The following ITGA8 variants were observed in gnomAD, a reference collection of about 807,000 sequenced individuals.
The protein encoded by ITGA8 is integrin subunit alpha 8, also known as integrin alpha-8.
ITGA8 carries 91 observed loss-of-function variants against 142.3 expected under a neutral mutation model. The observed-to-expected ratio is 0.64, with a 90% CI of 0.54 to 0.76. The LOEUF (loss-of-function observed/expected upper bound fraction) is 0.76. Among genes scored for constraint, ITGA8 ranks in the 30% least tolerant of loss-of-function variants. ITGA8 has a pLI of 0.00. For missense variants in ITGA8, 1,406 were observed against 1,327.7 expected, an observed-to-expected ratio of 1.06 and a Z score of -0.92; for synonymous variants, 505 against 485.2, an observed-to-expected ratio of 1.04 and a Z score of -0.54.
intron 10 of ITGA8, among the ~76,000 whole-genome samples, chr10:15,656,873 G>A (rs1834195265): frequency 1.3e-5 from 2 of 152,136 alleles, no homozygotes; most frequent in South Asian, 4.1e-4. Context: ...CACGCCCCAG[G>A]AGGCAGAGAC....
chr10:15,694,257 T>TATC (rs201724643), intron 2 of ITGA8, among the ~76,000 whole-genome samples: 1,284 of 95,330 alleles, frequency 0.013, 31 homozygotes, highest in African/African-American at 0.036. Flanking sequence ...TATGATAACA[T>TATC]ATACATCAGA....
chr10:15,708,824 C>T (rs1835309292), intron 2 of ITGA8, among the ~76,000 whole-genome samples: 1 of 152,062 alleles, frequency 6.6e-6, no homozygotes, highest in Admixed American at 6.6e-5. Context: ...TTAGACACAC[C>T]CCTTTTCCAA....
At chr10:15,624,421 C>G (rs1833545519) in intron 13 of ITGA8, among the ~76,000 whole-genome samples, 1 of 152,190 alleles carries the variant, frequency 6.6e-6, no homozygotes, top group South Asian at 2.1e-4. Flanking sequence ...AGTCTGATGA[C>G]TGCATTCTGG....
intron 4 of ITGA8, among the ~76,000 whole-genome samples, chr10:15,679,917 C>T (rs1001404508): frequency 2.6e-5 from 4 of 152,096 alleles, no homozygotes; most frequent in Admixed American, 2.6e-4. Context: ...CTAAAATAGC[C>T]AAAATGTAGT....
At chr10:15,702,606 AC>A (rs1348840915) in intron 2 of ITGA8, among the ~76,000 whole-genome samples, 1 of 151,862 alleles carries the variant, frequency 6.6e-6, no homozygotes, top group Non-Finnish European at 1.5e-5. Context: ...GAAGATCTTG[AC>A]CCCACAGCCT....
At chr10:15,628,434 G>A (rs1295358628) in intron 13 of ITGA8, among the ~76,000 whole-genome samples, 3 of 135,910 alleles carry the variant, frequency 2.2e-5, no homozygotes, top group East Asian at 2.4e-4. Flanking sequence ...CTGGGTTCAC[G>A]CCATTCTCCT....
intron 21 of ITGA8, among the ~76,000 whole-genome samples, chr10:15,594,976 C>G (rs978866642): frequency 2.6e-5 from 4 of 152,118 alleles, no homozygotes; most frequent in Non-Finnish European, 4.4e-5. Context: ...GTGTCCTTAA[C>G]TAGTACCAAA....
intron 2 of ITGA8, among the ~76,000 whole-genome samples, chr10:15,705,324 C>T (rs898347892): frequency 2.6e-5 from 4 of 152,182 alleles, no homozygotes; most frequent in African/African-American, 9.7e-5. Flanking sequence ...GGTGACTTTG[C>T]TTGTTGTTTC....
chr10:15,706,133 A>G (rs1489412700), intron 2 of ITGA8, among the ~76,000 whole-genome samples: 1 of 152,144 alleles, frequency 6.6e-6, no homozygotes, highest in Non-Finnish European at 1.5e-5. Flanking sequence ...AATTTCACAT[A>G]TCTGGACTCA....
At chr10:15,704,938 GAT>G (rs1835230218) in intron 2 of ITGA8, among the ~76,000 whole-genome samples, 1 of 152,146 alleles carries the variant, frequency 6.6e-6, no homozygotes, top group Admixed American at 6.6e-5. Flanking sequence ...GCTGCCAAAA[GAT>G]ATAGTAAAGG....
chr10:15,679,380 T>G (rs1321774376), intron 4 of ITGA8, among the ~76,000 whole-genome samples: 3 of 152,076 alleles, frequency 2.0e-5, no homozygotes, highest in Non-Finnish European at 4.4e-5. Flanking sequence ...GTCAAGAGAT[T>G]GAGACCATCC....
chr10:15,566,786 C>T lies in ITGA8; in HGVS notation c.2637+5425G>A, dbSNP rs1834088343. The stretch of plus-strand genomic sequence containing the variant: ...GAGATAGTGCCACTGCACTCCAGCC[C>T]ATGCAACAGAGTGAGACCTTGTCTT... On this transcript the variant is annotated intron_variant, in intron 25 of 29. Coordinates refer to ENST00000378076, the MANE Select transcript of ITGA8 (RefSeq NM_003638.3). 2.0e-5 allele frequency among the ~76,000 whole-genome samples: 3 copies of T among 148,090 alleles called. No individual in the cohort carries two copies. The South Asian group carries it at 6.5e-4, about 32-fold the overall frequency.
chr10:15,541,030 C>T (rs1245552372), intron 27 of ITGA8, among the ~76,000 whole-genome samples: 3 of 152,166 alleles, frequency 2.0e-5, no homozygotes, highest in African/African-American at 7.2e-5. Context: ...TTTGCATTCA[C>T]CCACCCCTTA....
chr10:15,687,682 T>C (rs571166285), intron 3 of ITGA8, among the ~76,000 whole-genome samples: 1 of 152,366 alleles, frequency 6.6e-6, no homozygotes, highest in African/African-American at 2.4e-5. Flanking sequence ...TAGCTTTTAC[T>C]TTTCTTAGTT....
At chr10:15,641,490 C>T (rs1363086756) in intron 13 of ITGA8, among the ~76,000 whole-genome samples, 1 of 152,072 alleles carries the variant, frequency 6.6e-6, no homozygotes, top group East Asian at 1.9e-4. Context: ...GTTAAAAAGG[C>T]TTCTTTGAAT....
intron 13 of ITGA8, among the ~76,000 whole-genome samples, chr10:15,622,029 A>AAG (rs1315866749): frequency 1.3e-5 from 2 of 152,148 alleles, no homozygotes; most frequent in Non-Finnish European, 2.9e-5. Context: ...ATGATGGTGC[A>AAG]TGCCTGTAAT....
intron 13 of ITGA8, among the ~76,000 whole-genome samples, chr10:15,639,977 C>T (rs1833841673): frequency 6.6e-6 from 1 of 152,042 alleles, no homozygotes; most frequent in South Asian, 2.1e-4. Context: ...CTTATCAACT[C>T]CATTGGGGAT....
intron 18 of ITGA8, 108 bp downstream of exon 18, chr10:15,606,177 C>T: frequency 1.1e-6 from 1 of 912,270 alleles, no homozygotes; most frequent in Non-Finnish European, 1.7e-6. Context: ...TCCATGTCTG[C>T]ATGCAGAAGT....
chr10:15,563,918 CAAAAA>C (rs928341834), intron 25 of ITGA8, among the ~76,000 whole-genome samples: 1 of 96,178 alleles, frequency 1.0e-5, no homozygotes, highest in Non-Finnish European at 2.2e-5. Flanking sequence ...AGGCTGTCTC[CAAAAA>C]AAAAAAAAAC....
Sources: allele counts gnomAD v4.1 joint callset (sites outside exome capture counted in the v4.1 genomes callset), GRCh38; gene constraint gnomAD v4.1.1; transcripts MANE v1.5; gene names NCBI Gene and HGNC (gene_info 2026-07-23, HGNC 2026-07-21).